The following TMEM196 variants were observed in gnomAD, a reference collection of about 807,000 sequenced individuals.
TMEM196 encodes transmembrane protein 196.
Under a neutral mutation model 20.0 loss-of-function variants are expected in TMEM196, and 17 were observed. The ratio of observed to expected loss-of-function variants is 0.85; its 90% confidence interval spans 0.58 to 1.27. The LOEUF is 1.27. Ranked by LOEUF, TMEM196 falls within the 50% of genes most tolerant of loss-of-function variation. The pLI, the probability that TMEM196 is intolerant of heterozygous loss-of-function variation, is 0.00. For missense variants in TMEM196, 267 were observed against 223.0 expected (o/e 1.20, Z -1.26); for synonymous variants, 113 against 88.9 (o/e 1.27, Z -1.52).
chr7:19,724,701 G>T (rs1783930240), intron 3 of TMEM196, among the ~76,000 whole-genome samples: 1 of 152,020 alleles, frequency 6.6e-6, no homozygotes, highest in African/African-American at 2.4e-5. Flanking sequence ...AGTAAGTCTT[G>T]CTATTATCAC....
chr7:19,740,882 T>A (rs1380683742), intron 1 of TMEM196, among the ~76,000 whole-genome samples: 2 of 152,162 alleles, frequency 1.3e-5, no homozygotes, highest in African/African-American at 4.8e-5. Context: ...TCATGGAAGA[T>A]TGAGGTTGAA....
chr7:19,728,807 G>A (rs1784087950), intron 2 of TMEM196, among the ~76,000 whole-genome samples: 1 of 152,188 alleles, frequency 6.6e-6, no homozygotes, highest in Admixed American at 6.5e-5. Flanking sequence ...AGCTAACTGG[G>A]AGTGTGTTCC....
At chr7:19,731,226 T>G (rs1163843467) in intron 1 of TMEM196, among the ~76,000 whole-genome samples, 1 of 152,134 alleles carries the variant, frequency 6.6e-6, no homozygotes, top group African/African-American at 2.4e-5. Context: ...TAGAAATAGA[T>G]CTAATAAAAT....
chr7:19,765,746 C>T (rs1447192290), intron 1 of TMEM196, among the ~76,000 whole-genome samples: 1 of 152,090 alleles, frequency 6.6e-6, no homozygotes. Flanking sequence ...TTTCCTCATT[C>T]AGTTTTAGAC....
chr7:19,750,554 G>A (rs138358021), intron 1 of TMEM196, among the ~76,000 whole-genome samples: 601 of 152,110 alleles, frequency 4.0e-3, no homozygotes, highest in Non-Finnish European at 6.6e-3. Flanking sequence ...TTGCTCTGGG[G>A]TTGTAAATAC....
intron 1 of TMEM196, among the ~76,000 whole-genome samples, chr7:19,763,920 G>C (rs1428174868): frequency 6.6e-6 from 1 of 152,122 alleles, no homozygotes; most frequent in Non-Finnish European, 1.5e-5. Context: ...ACTCAGTCAA[G>C]CCTAAACAAT....
At chr7:19,744,943 C>A (rs1425939547) in intron 1 of TMEM196, among the ~76,000 whole-genome samples, 1 of 152,020 alleles carries the variant, frequency 6.6e-6, no homozygotes, top group Admixed American at 6.6e-5. Context: ...ATTTTAATGA[C>A]AATTGAAGCT....
intron 1 of TMEM196, among the ~76,000 whole-genome samples, chr7:19,730,867 A>G (rs1784179663): frequency 6.6e-6 from 1 of 152,208 alleles, no homozygotes; most frequent in Non-Finnish European, 1.5e-5. Context: ...AATTTGGTAT[A>G]TAATTTAGAT....
At chr7:19,722,958 A>G (rs1783862188) in intron 4 of TMEM196, among the ~76,000 whole-genome samples, 1 of 152,158 alleles carries the variant, frequency 6.6e-6, no homozygotes, top group South Asian at 2.1e-4. Context: ...TTATGTTGAT[A>G]AAATTATCTA....
chr7:19,763,955 G>A (rs934657420), intron 1 of TMEM196, among the ~76,000 whole-genome samples: 2 of 152,078 alleles, frequency 1.3e-5, no homozygotes, highest in Non-Finnish European at 2.9e-5. Context: ...GGTAGAATAC[G>A]AACCCAGATC....
At chr7:19,764,276 A>T (rs1197011181) in intron 1 of TMEM196, among the ~76,000 whole-genome samples, 1 of 152,058 alleles carries the variant, frequency 6.6e-6, no homozygotes, top group Non-Finnish European at 1.5e-5. Context: ...ACTGTCTTGA[A>T]CTCATGATTG....
chr7:19,753,489 A>G (rs912619738), intron 1 of TMEM196, among the ~76,000 whole-genome samples: 1 of 152,118 alleles, frequency 6.6e-6, no homozygotes, highest in Non-Finnish European at 1.5e-5. Context: ...ATGTTTTTAA[A>G]AGCGTGACTC....
chr7:19,750,971 G>A (rs952828956), intron 1 of TMEM196, among the ~76,000 whole-genome samples: 5 of 152,160 alleles, frequency 3.3e-5, no homozygotes, highest in Admixed American at 3.3e-4. Context: ...GGTTAAAAAT[G>A]TAATGCATTC....
At chr7:19,732,287 A>T (rs1784230606) in intron 1 of TMEM196, among the ~76,000 whole-genome samples, 1 of 152,160 alleles carries the variant, frequency 6.6e-6, no homozygotes, top group Admixed American at 6.6e-5. Flanking sequence ...TTTGTTTTTA[A>T]TAATGGGCTG....
At chr7:19,732,197 G>T (rs898765758) in intron 1 of TMEM196, among the ~76,000 whole-genome samples, 1 of 152,224 alleles carries the variant, frequency 6.6e-6, no homozygotes, top group African/African-American at 2.4e-5. Flanking sequence ...GGTCCAGAGA[G>T]TTAGTGACTT....
intron 1 of TMEM196, among the ~76,000 whole-genome samples, chr7:19,761,142 C>T (rs554869636): frequency 6.6e-6 from 1 of 152,302 alleles, no homozygotes; most frequent in South Asian, 2.1e-4. Context: ...TTACAGACCT[C>T]CTCAGTGGTC....
intron 1 of TMEM196, among the ~76,000 whole-genome samples, chr7:19,768,897 T>A (rs1029644058): frequency 6.6e-6 from 1 of 152,176 alleles, no homozygotes; most frequent in African/African-American, 2.4e-5. Context: ...CTTATCTTTA[T>A]TTTTAAGCCA....
intron 4 of TMEM196, among the ~76,000 whole-genome samples, chr7:19,723,338 A>G (rs907666937): frequency 9.9e-5 from 15 of 152,162 alleles, no homozygotes; most frequent in African/African-American, 3.1e-4. Context: ...TCAAATTTCT[A>G]ATAAATTTAC....
intron 1 of TMEM196, among the ~76,000 whole-genome samples, chr7:19,757,175 C>CTTTTT (rs34970427): frequency 7.4e-6 from 1 of 134,388 alleles, no homozygotes; most frequent in Non-Finnish European, 1.6e-5. Flanking sequence ...GCAGTAGATA[C>CTTTTT]TTTTTTTTTT....
Sources: allele counts gnomAD v4.1 joint callset (sites outside exome capture counted in the v4.1 genomes callset), GRCh38; gene constraint gnomAD v4.1.1; transcripts MANE v1.5; gene names NCBI Gene and HGNC (gene_info 2026-07-23, HGNC 2026-07-21).